Variants in C2orf76 observed in about 807,000 individuals in gnomAD.
C2orf76 encodes chromosome 2 open reading frame 76.
C2orf76 carries 23 observed loss-of-function variants against 16.9 expected under a neutral mutation model. The observed-to-expected ratio is 1.36, with a 90% CI of 0.98 to 1.93. The LOEUF is 1.93. C2orf76 is among the 30% of genes most tolerant of loss of function. The probability of loss-of-function intolerance (pLI) is 0.00; values close to 1 mark genes in which losing one functional copy is unlikely to be tolerated. For missense variants in C2orf76, 152 were observed against 152.6 expected (o/e 1.00, Z 0.02); for synonymous variants, 48 against 52.3 (o/e 0.92, Z 0.35).
chr2:119,335,699 C>G (rs1169472684), intron 2 of C2orf76, among the ~76,000 whole-genome samples: 1 of 152,194 alleles, frequency 6.6e-6, no homozygotes, highest in Non-Finnish European at 1.5e-5. Flanking sequence ...AGTAGAGAAA[C>G]CTGACATGAC....
chr2:119,289,758 G>A, the C2orf76 span, among the ~76,000 whole-genome samples: 3 of 151,418 alleles, frequency 2.0e-5, no homozygotes, highest in Non-Finnish European at 4.4e-5. Flanking sequence ...GGGGTCCACA[G>A]AGCTATAAAG....
At chr2:119,339,720 G>A in intron 2 of C2orf76, 107 bp downstream of exon 2, 3 of 1,270,588 alleles carry the variant, frequency 2.4e-6, no homozygotes, top group Non-Finnish European at 3.3e-6. Flanking sequence ...TGGAACCCAG[G>A]TTAATCTTTC....
At chr2:119,311,773 GAC>G (rs1679000074) in intron 4 of C2orf76, 70 bp from the exon 5 acceptor site, 3 of 1,369,426 alleles carry the variant, frequency 2.2e-6, no homozygotes, top group Admixed American at 2.1e-5. Flanking sequence ...ACTTCTCAAA[GAC>G]ACAGAGTTGT....
chr2:119,344,805 G>A (rs10194772), intron 1 of C2orf76, among the ~76,000 whole-genome samples: 7,855 of 152,104 alleles, frequency 0.052, 262 homozygotes, highest in African/African-American at 0.078. Flanking sequence ...ATATAAAATC[G>A]GATACTGGAG....
chr2:119,334,703 A>AAAATAT (rs1553448071), intron 2 of C2orf76, among the ~76,000 whole-genome samples: 1 of 146,130 alleles, frequency 6.8e-6, no homozygotes, highest in Non-Finnish European at 1.5e-5. Flanking sequence ...AAAAAAACAA[A>AAAATAT]ATATATATAT....
intron 1 of C2orf76, among the ~76,000 whole-genome samples, chr2:119,350,221 T>A (rs938439412): frequency 5.9e-5 from 9 of 151,930 alleles, no homozygotes. Context: ...ATGTTTGAGA[T>A]GTGGAAAAAA....
chr2:119,328,608 C>T (rs1160264745), intron 2 of C2orf76, among the ~76,000 whole-genome samples: 1 of 151,946 alleles, frequency 6.6e-6, no homozygotes, highest in Non-Finnish European at 1.5e-5. Context: ...CTGCTGTGAT[C>T]ATTATTATTT....
At chr2:119,321,541 C>A (rs1369822703) in intron 2 of C2orf76, among the ~76,000 whole-genome samples, 1 of 152,070 alleles carries the variant, frequency 6.6e-6, no homozygotes, top group East Asian at 1.9e-4. Context: ...CTTTATAAAA[C>A]CATCAGATCT....
At position 119,359,514 on chromosome 2, in the gene C2orf76, G is replaced by C. The variant is rs147615608; in HGVS notation, c.-13+7276C>G. On this transcript the variant is annotated intron_variant, in intron 1 of 5. Transcript: ENST00000334816. ...CTGGAAAGGATTCACCATTCTAAAG[G>C]CCATTAAAAATATTCATGATTCAGG... Among the ~76,000 whole-genome samples the C allele has an allele frequency of 4.9e-3, 739 of 152,310 alleles. 8 individuals carry two copies. Among genetic ancestry groups the C allele is most frequent in the African/African-American group, 0.014 (562 of 41,560 alleles).
At chr2:119,298,928 AG>A (rs1383084952), downstream of C2orf76, among the ~76,000 whole-genome samples, 2 of 152,146 alleles carry the variant, frequency 1.3e-5, no homozygotes, top group Non-Finnish European at 1.5e-5. Context: ...TACTGGCAAT[AG>A]TGTTCATTCT....
chr2:119,292,487 C>T, the C2orf76 span, among the ~76,000 whole-genome samples: 3 of 152,022 alleles, frequency 2.0e-5, no homozygotes, highest in Admixed American at 2.0e-4. Context: ...AGCAGTGACC[C>T]GAGTCAGACC....
chr2:119,323,326 G>A (rs1679406921), intron 2 of C2orf76, among the ~76,000 whole-genome samples: 1 of 152,226 alleles, frequency 6.6e-6, no homozygotes, highest in East Asian at 1.9e-4. Context: ...GTCAGGAAAT[G>A]TGGGTTTTTT....
chr2:119,318,532 A>AT (rs10661549), intron 3 of C2orf76, among the ~76,000 whole-genome samples: 12,493 of 144,296 alleles, frequency 0.087, 1,494 homozygotes, highest in African/African-American at 0.28. Flanking sequence ...ATCTATTGCA[A>AT]TTTTTTTTTT....
chr2:119,319,762 A>C (rs916193716), intron 3 of C2orf76, among the ~76,000 whole-genome samples: 1 of 151,838 alleles, frequency 6.6e-6, no homozygotes, highest in African/African-American at 2.4e-5. Context: ...GTAGGGAGAC[A>C]GTGACTGGCA....
rs10597338 is a variant in C2orf76, at chr2:119,307,438, T to TA, written c.304+4183dup. On this transcript the variant is annotated intron_variant, in intron 5 of 5. Transcript: ENST00000334816. ...TGGGCGACAGAGAGAGACTCTGTCT[T>TA]AAAAAAAAAAAAAAAAATCACATTT... is the stretch of plus-strand genomic sequence containing the variant. 7.2e-3 allele frequency among the ~76,000 whole-genome samples: 1,043 copies of TA among 143,942 alleles called. 9 individuals are homozygous for TA. Among genetic ancestry groups the TA allele is most frequent in the Admixed American group, 0.028 (401 of 14,332 alleles). 94.4% of individuals were successfully genotyped at this position (143,942 alleles called of 152,430 possible). A position where few individuals can be genotyped will look rare whatever the true frequency, so the allele number is the denominator to read the frequency against.
At chr2:119,308,484 T>C (rs1220100263) in intron 5 of C2orf76, among the ~76,000 whole-genome samples, 1 of 151,912 alleles carries the variant, frequency 6.6e-6, no homozygotes, top group African/African-American at 2.4e-5. Flanking sequence ...TACTAAAAAA[T>C]ACAAAAATTA....
chr2:119,319,066 G>A (rs986515376), intron 3 of C2orf76, among the ~76,000 whole-genome samples: 2 of 151,936 alleles, frequency 1.3e-5, no homozygotes, highest in Admixed American at 1.3e-4. Context: ...TGAGACAAGT[G>A]AGAGAAGCCA....
intron 2 of C2orf76, among the ~76,000 whole-genome samples, chr2:119,336,206 C>A (rs115745564): frequency 6.6e-6 from 1 of 151,716 alleles, no homozygotes; most frequent in Non-Finnish European, 1.5e-5. Context: ...ACCAGCCTAC[C>A]AACATGGTGA....
At position 119,337,143 on chromosome 2, in the gene C2orf76, C is replaced by T. The variant is rs116445770; in HGVS notation, c.133+2684G>A. ...CAATCAAAGCTCACTGCAGCCTCAACTTCATGGGCTCAAGCGATCTTCCCA... is the reference window on the plus strand; with the variant it reads ...CAATCAAAGCTCACTGCAGCCTCAATTTCATGGGCTCAAGCGATCTTCCCA... On this transcript the variant is annotated intron_variant, in intron 2 of 5. Coordinates refer to ENST00000334816, the MANE Select transcript of C2orf76 (RefSeq NM_001322331.2). Among the ~76,000 whole-genome samples the T allele has an allele frequency of 5.2e-3, 797 of 151,812 alleles. 5 individuals are homozygous for T. Among genetic ancestry groups the T allele is most frequent in the African/African-American group, 0.019 (772 of 41,348 alleles).
Sources: allele counts gnomAD v4.1 joint callset (sites outside exome capture counted in the v4.1 genomes callset), GRCh38; gene constraint gnomAD v4.1.1; transcripts MANE v1.5; gene names NCBI Gene and HGNC (gene_info 2026-07-23, HGNC 2026-07-21).